The following SPATA9 variants were observed in gnomAD, a reference collection of about 807,000 sequenced individuals.
SPATA9 encodes spermatogenesis associated 9, also known as spermatogenesis-associated protein 9.
SPATA9 carries 27 observed loss-of-function variants against 25.5 expected under a neutral mutation model. The ratio of observed to expected loss-of-function variants is 1.06; its 90% CI spans 0.78 to 1.46. The LOEUF (loss-of-function observed/expected upper bound fraction) is 1.46, where lower values mean the gene tolerates loss of function less well. Among genes scored for constraint, SPATA9 ranks in the 40% most tolerant of loss-of-function variants. The pLI, the probability that SPATA9 is intolerant of heterozygous loss-of-function variation, is 0.00. For synonymous variants in SPATA9, 102 were observed against 105.7 expected (o/e 0.97, Z 0.21); for missense variants, 282 against 297.5 (o/e 0.95, Z 0.38).
At chr5:95,702,174 C>T (rs1341527204), upstream of SPATA9, among the ~76,000 whole-genome samples, 2 of 151,366 alleles carry the variant, frequency 1.3e-5, no homozygotes, top group Non-Finnish European at 2.9e-5. Flanking sequence ...AACATGACAC[C>T]ATAAAGCCCA....
intron 3 of SPATA9, among the ~76,000 whole-genome samples, chr5:95,668,808 A>G (rs1752071731): frequency 6.6e-6 from 1 of 152,184 alleles, no homozygotes; most frequent in African/African-American, 2.4e-5. Flanking sequence ...TATTTTCACT[A>G]TTGAGATAAA....
At chr5:95,728,393 T>C in the SPATA9 span, among the ~76,000 whole-genome samples, 1 of 152,214 alleles carries the variant, frequency 6.6e-6, no homozygotes, top group Admixed American at 6.5e-5. Flanking sequence ...AAATACTCCT[T>C]CCCTTCTAAC....
chr5:95,655,722 A>G (rs1406574404), downstream of SPATA9, among the ~76,000 whole-genome samples: 2 of 152,222 alleles, frequency 1.3e-5, no homozygotes, highest in Non-Finnish European at 2.9e-5. Context: ...TTCCTATAGA[A>G]GCACTTGAAG....
At chr5:95,693,328 T>G (rs1039964151) in intron 1 of SPATA9, among the ~76,000 whole-genome samples, 1 of 152,136 alleles carries the variant, frequency 6.6e-6, no homozygotes, top group African/African-American at 2.4e-5. Context: ...ACCCAAATAT[T>G]CATCAACTGT....
chr5:95,652,954 T>C, downstream of SPATA9: 1 of 914,182 alleles, frequency 1.1e-6, no homozygotes, highest in Non-Finnish European at 1.6e-6. Context: ...TGCTTTATAC[T>C]CTTCAGTGGC....
chr5:95,678,977 A>T (rs1051034827), intron 2 of SPATA9, among the ~76,000 whole-genome samples: 2 of 152,192 alleles, frequency 1.3e-5, no homozygotes, highest in Non-Finnish European at 2.9e-5. Flanking sequence ...TTCCTATTTG[A>T]GTTGGGTAAA....
the SPATA9 span, among the ~76,000 whole-genome samples, chr5:95,711,355 AGGTGGGCC>A: frequency 1.3e-5 from 2 of 152,204 alleles, no homozygotes; most frequent in African/African-American, 4.8e-5. Context: ...CAGTCATCCC[AGGTGGGCC>A]GATGGGTCTG....
At chr5:95,652,295 T>C, downstream of SPATA9, 1 of 1,550,304 alleles carries the variant, frequency 6.5e-7, no homozygotes, top group Admixed American at 2.0e-5. Flanking sequence ...TCAGGAATTG[T>C]CTTAGACCTT....
At chr5:95,726,205 C>T in the SPATA9 span, among the ~76,000 whole-genome samples, 1 of 152,156 alleles carries the variant, frequency 6.6e-6, no homozygotes, top group African/African-American at 2.4e-5. Context: ...AAGGTATTTG[C>T]TAACAAAGGA....
chr5:95,697,596 G>A (rs538447307), intron 1 of SPATA9, among the ~76,000 whole-genome samples: 6 of 152,282 alleles, frequency 3.9e-5, no homozygotes, highest in African/African-American at 9.6e-5. Flanking sequence ...GGTAACCTCC[G>A]TCTCTTGTAG....
At chr5:95,676,625 A>G (rs1752973348) in intron 2 of SPATA9, among the ~76,000 whole-genome samples, 1 of 152,122 alleles carries the variant, frequency 6.6e-6, no homozygotes, top group Non-Finnish European at 1.5e-5. Context: ...GAATTTGACC[A>G]CTTCTCATTA....
intron 3 of SPATA9, chr5:95,674,826 T>C: frequency 2.2e-6 from 1 of 455,662 alleles, no homozygotes; most frequent in South Asian, 1.6e-5. Flanking sequence ...TCCTGCAGTT[T>C]AGATGCCAGA....
the SPATA9 span, among the ~76,000 whole-genome samples, chr5:95,716,805 G>GTAACT: frequency 6.6e-5 from 10 of 152,130 alleles, no homozygotes; most frequent in Admixed American, 4.6e-4. Flanking sequence ...CCAGTGGGAG[G>GTAACT]TAACTGAATC....
the SPATA9 span, among the ~76,000 whole-genome samples, chr5:95,705,947 T>G: frequency 1.3e-5 from 2 of 152,208 alleles, no homozygotes; most frequent in Non-Finnish European, 2.9e-5. Context: ...ACTTTTCTGT[T>G]TCTGTAAGGA....
downstream of SPATA9, chr5:95,654,294 T>A (rs1209994154): frequency 6.2e-7 from 1 of 1,609,786 alleles, no homozygotes; most frequent in South Asian, 1.1e-5. Context: ...AAAATTTCAG[T>A]TTTTTAGTGA....
chr5:95,731,861 C>G, the SPATA9 span: 2 of 1,612,496 alleles, frequency 1.2e-6, no homozygotes, highest in East Asian at 2.2e-5. Flanking sequence ...CCGTGCAGGT[C>G]CATCCACATC....
chr5:95,663,641 T>C (rs942479376), intron 4 of SPATA9, among the ~76,000 whole-genome samples: 2 of 152,164 alleles, frequency 1.3e-5, no homozygotes, highest in Admixed American at 1.3e-4. Flanking sequence ...TACTGAACTT[T>C]AGCCAACCAT....
At chr5:95,667,078 GAAATT>G (rs1751882736) in intron 3 of SPATA9, among the ~76,000 whole-genome samples, 1 of 152,208 alleles carries the variant, frequency 6.6e-6, no homozygotes, top group East Asian at 1.9e-4. Context: ...CAGGTTCAGA[GAAATT>G]AAATTCTTTC....
chr5:95,682,958 G>A lies in SPATA9; in HGVS notation c.-104C>T. Reference sequence around the variant, plus strand: ...AAAGATGAGGGTAGCCTTCCACTTGGGAAAGCCAGCAAGGACAGAACTCAC... The same window carrying A: ...AAAGATGAGGGTAGCCTTCCACTTGAGAAAGCCAGCAAGGACAGAACTCAC... On this transcript the variant is annotated 5_prime_UTR_variant, in exon 1 of 5. Coordinates refer to ENST00000274432, the MANE Select transcript of SPATA9 (RefSeq NM_031952.4). The A allele has an allele frequency of 7.2e-7, 1 of 1,388,036 alleles. No homozygotes were observed. Among genetic ancestry groups the A allele is most frequent in the Non-Finnish European group, 9.4e-7 (1 of 1,067,394 alleles). The allele number at this position is 1,388,036 out of a possible 1,614,324, so 86.0% of individuals were successfully genotyped here.
Sources: gnomAD v4.1 joint callset for allele counts (sites outside exome capture counted in the v4.1 genomes callset) on GRCh38, gnomAD v4.1.1 for gene constraint, MANE v1.5 for transcripts, NCBI Gene and HGNC (gene_info 2026-07-23, HGNC 2026-07-21) for gene names.